Variants in COL4A4 observed in about 807,000 individuals in gnomAD.
COL4A4 encodes the protein collagen alpha-4(IV) chain.
COL4A4 carries 105 observed loss-of-function variants against 192.9 expected under a neutral mutation model. That is an observed-to-expected ratio of 0.54 (90% CI 0.46 to 0.64). COL4A4 has a LOEUF of 0.64. COL4A4 is among the 30% of genes least tolerant of loss of function. The pLI, the probability that COL4A4 is intolerant of heterozygous loss-of-function variation, is 0.00. For synonymous variants in COL4A4, 762 were observed against 769.9 expected (o/e 0.99, Z 0.17); for missense variants, 1,967 against 2,169.3 (o/e 0.91, Z 1.85).
Position 227,045,908 on chromosome 2 carries a change from TA to T in COL4A4, c.3289+1566del, listed in dbSNP as rs1441807719. On this transcript the variant is annotated intron_variant, in intron 35 of 47. Transcript: ENST00000396625. The stretch of plus-strand genomic sequence containing the variant: ...TGTATATATATTTAGATAGTATATA[TA>T]TGTATGTATATGTATATGTATATAT... 9.5e-3 allele frequency among the ~76,000 whole-genome samples: 835 copies of T among 87,532 alleles called. 60 individuals carry two copies. The highest frequency in any genetic ancestry group is 0.014 in the African/African-American group (290 of 20,934). The allele number at this position is 87,532 out of a possible 152,430, so 57.4% of individuals were successfully genotyped here.
intron 2 of COL4A4, 175 bp downstream of exon 2, chr2:227,147,238 G>A: frequency 2.7e-6 from 2 of 731,884 alleles, no homozygotes; most frequent in Non-Finnish European, 5.0e-6. Context: ...AGGGAAAATT[G>A]AGAGGGTTGG....
intron 44 of COL4A4, among the ~76,000 whole-genome samples, chr2:227,018,081 T>C (rs1486101553): frequency 6.6e-6 from 1 of 152,174 alleles, no homozygotes; most frequent in African/African-American, 2.4e-5. Flanking sequence ...GCACCCAATC[T>C]TGAGGGTGGT....
At chr2:227,025,559 A>G (rs545574489) in intron 43 of COL4A4, among the ~76,000 whole-genome samples, 16 of 152,280 alleles carry the variant, frequency 1.1e-4, no homozygotes, top group Non-Finnish European at 2.2e-4. Flanking sequence ...AATTGAAACT[A>G]TATAAGCAAA....
Position 227,030,550 on chromosome 2 carries a change from C to T in COL4A4, c.3866G>A (p.Gly1289Glu). The T allele has an allele frequency of 1.2e-6, 2 of 1,613,964 alleles. No individual in the cohort carries two copies. Among genetic ancestry groups the T allele is most frequent in the Non-Finnish European group, 1.7e-6 (2 of 1,179,934 alleles). The change falls in exon 41 of 48, where the codon GGG becomes GAG. Residue 1289 changes from glycine (G) to glutamate (E), a missense_variant. Transcript: ENST00000396625. ...GLPGSVDLLR[G>E]EPGDCGLPGP... ...TGGTAGACCACAGTCACCTGGCTCC[C>T]CTCTCAGAAGGTCAACACTCCCAGG...
chr2:227,125,168 G>C (rs367844173), intron 4 of COL4A4, among the ~76,000 whole-genome samples: 1 of 152,066 alleles, frequency 6.6e-6, no homozygotes, highest in Non-Finnish European at 1.5e-5. Context: ...ATAGAAACGT[G>C]TGCTGATTTG....
At chr2:227,046,462 T>G (rs977380933) in intron 35 of COL4A4, among the ~76,000 whole-genome samples, 1 of 151,998 alleles carries the variant, frequency 6.6e-6, no homozygotes, top group African/African-American at 2.4e-5. Flanking sequence ...CAGGCATCTG[T>G]GAATGGACAT....
At chr2:227,032,914 A>T (rs976015784) in intron 38 of COL4A4, among the ~76,000 whole-genome samples, 3 of 152,224 alleles carry the variant, frequency 2.0e-5, no homozygotes, top group African/African-American at 7.2e-5. Flanking sequence ...GCATTATACT[A>T]ACAGAACAAG....
intron 4 of COL4A4, among the ~76,000 whole-genome samples, chr2:227,130,121 C>T (rs1474014786): frequency 2.6e-5 from 4 of 152,204 alleles, no homozygotes; most frequent in Non-Finnish European, 5.9e-5. Flanking sequence ...CAACAGTAGA[C>T]AATCCAGAGA....
intron 4 of COL4A4, among the ~76,000 whole-genome samples, chr2:227,129,702 C>A (rs954136598): frequency 2.6e-5 from 4 of 152,182 alleles, no homozygotes; most frequent in Non-Finnish European, 4.4e-5. Context: ...AGCCACTGCG[C>A]CTGGCCTCTG....
intron 20 of COL4A4, among the ~76,000 whole-genome samples, chr2:227,092,292 A>C (rs982844912): frequency 6.6e-6 from 1 of 152,158 alleles, no homozygotes; most frequent in Non-Finnish European, 1.5e-5. Flanking sequence ...TCAGACAAGC[A>C]AGATCTCCCA....
At chr2:227,091,645 G>A (rs2059936744) in intron 20 of COL4A4, among the ~76,000 whole-genome samples, 1 of 152,088 alleles carries the variant, frequency 6.6e-6, no homozygotes. Flanking sequence ...TACAATCCCA[G>A]CACTTTGGGA....
At position 227,091,022 on chromosome 2, in the gene COL4A4, T is replaced by TA. The variant is rs202185491; in HGVS notation, c.1370-1066dup. On this transcript the variant is annotated intron_variant, in intron 20 of 47. Coordinates refer to ENST00000396625, the MANE Select transcript of COL4A4 (RefSeq NM_000092.5). ...GAGGTCCAAAACAGGATGATTTGTC[T>TA]AAAAAAACAGACCAAAAGATCCCCT... is the stretch of plus-strand genomic sequence containing the variant. Among the ~76,000 whole-genome samples the TA allele has an allele frequency of 9.2e-3, 1,390 of 151,712 alleles. 6 individuals are homozygous for TA. The highest frequency in any genetic ancestry group is 0.013 in the Non-Finnish European group (887 of 67,898).
Position 227,054,623 on chromosome 2 carries a change from G to A in COL4A4, c.2831C>T (p.Pro944Leu), listed in dbSNP as rs2150219805. ...GGCCCCTCTCAGTCCCCGGTCTCCA[G>A]GAAGGCCAGACATGCCCTTCTCTCC... ...EPGEKGMSGL[P>L]GDRGLRGAKG... Residue 944 changes from proline (P) to leucine (L), a missense_variant, in exon 31 of 48, where the codon CCT (proline) becomes CTT (leucine). Physicochemically the swap from Pro to Leu is moderately conservative, Grantham distance 98. Coordinates refer to ENST00000396625, the MANE Select transcript of COL4A4 (RefSeq NM_000092.5). The A allele has an allele frequency of 6.2e-7, 1 of 1,614,154 alleles. No individual in the cohort carries two copies. The highest frequency in any genetic ancestry group is 8.5e-7 in the Non-Finnish European group (1 of 1,180,010).
At chr2:226,984,698 G>C in the COL4A4 span, among the ~76,000 whole-genome samples, 1 of 152,162 alleles carries the variant, frequency 6.6e-6, no homozygotes, top group Non-Finnish European at 1.5e-5. Context: ...GGAACCACTG[G>C]TGCTGGAGAC....
rs188742584 is a variant in COL4A4, at chr2:227,159,988, G to A, written c.-102+4019C>T. Among the ~76,000 whole-genome samples the A allele has an allele frequency of 8.5e-5, 13 of 152,266 alleles. 1 individual carries two copies. In the East Asian group the frequency reaches 1.5e-3, roughly 18 times the overall value. On this transcript the variant is annotated intron_variant, in intron 1 of 47. Transcript: ENST00000396625. ...AAGTTCTGGACAAAGGTGTTCACAG[G>A]GACCATGCTCTTTAATCCTTGACCT...
At chr2:227,084,725 C>A (rs2059494382) in intron 22 of COL4A4, among the ~76,000 whole-genome samples, 1 of 152,144 alleles carries the variant, frequency 6.6e-6, no homozygotes, top group Non-Finnish European at 1.5e-5. Context: ...TAAGCGATTC[C>A]TGGGGCAAAG....
chr2:227,115,538 C>T (rs111903614), intron 7 of COL4A4, among the ~76,000 whole-genome samples: 3,562 of 152,186 alleles, frequency 0.023, 119 homozygotes, highest in African/African-American at 0.08. Flanking sequence ...TCCCAAAGTG[C>T]TGGGATTACA....
chr2:227,020,551 T>C (rs1219802953), intron 44 of COL4A4, among the ~76,000 whole-genome samples: 1 of 152,226 alleles, frequency 6.6e-6, no homozygotes, highest in East Asian at 1.9e-4. Context: ...GAACATCTCT[T>C]GGGCACTTAA....
chr2:227,018,641 C>T (rs779847944), intron 44 of COL4A4, among the ~76,000 whole-genome samples: 11 of 152,116 alleles, frequency 7.2e-5, no homozygotes, highest in African/African-American at 1.7e-4. Flanking sequence ...GAAGAGAAGG[C>T]GATGCTTCAC....
Sources: gnomAD v4.1 joint callset for allele counts (sites outside exome capture counted in the v4.1 genomes callset) on GRCh38, gnomAD v4.1.1 for gene constraint, MANE v1.5 for transcripts, NCBI Gene and HGNC (gene_info 2026-07-23, HGNC 2026-07-21) for gene names.